EML5: variants seen among roughly 807,000 people sequenced by gnomAD.
The protein encoded by EML5 is echinoderm microtubule-associated protein-like 5.
In EML5, 120 loss-of-function variants were observed where a neutral mutation model predicts 250.0. The ratio of observed to expected loss-of-function variants is 0.48; its 90% CI spans 0.41 to 0.56. EML5 has a LOEUF of 0.56. Among genes scored for constraint, EML5 ranks in the 20% least tolerant of loss-of-function variants. The pLI is 0.00. For missense variants in EML5, 2,006 were observed against 2,437.6 expected (o/e 0.82, Z 3.73); for synonymous variants, 771 against 806.5 (o/e 0.96, Z 0.75).
At chr14:88,733,557 T>G (rs2093793286) in intron 7 of EML5, among the ~76,000 whole-genome samples, 1 of 152,220 alleles carries the variant, frequency 6.6e-6, no homozygotes, top group Non-Finnish European at 1.5e-5. Flanking sequence ...TAGGTGGCAC[T>G]TGGTAATAGC....
intron 8 of EML5, among the ~76,000 whole-genome samples, chr14:88,723,217 A>T (rs888607888): frequency 1.3e-5 from 2 of 152,190 alleles, no homozygotes; most frequent in Non-Finnish European, 2.9e-5. Context: ...GTTTGAGACA[A>T]GCCTGGGCAA....
intron 24 of EML5, among the ~76,000 whole-genome samples, chr14:88,662,349 T>C (rs1490364561): frequency 7.1e-6 from 1 of 141,680 alleles, no homozygotes; most frequent in Non-Finnish European, 1.5e-5. Flanking sequence ...GTTTTTTTTT[T>C]TTTTTTTTTT....
At chr14:88,626,405 T>C (rs2089951354) in intron 35 of EML5, 1 of 163,866 alleles carries the variant, frequency 6.1e-6, no homozygotes, top group East Asian at 1.7e-4. Context: ...GAGGATCACA[T>C]AGCTTAGGAG....
chr14:88,760,201 T>C (rs2094218639), intron 1 of EML5, among the ~76,000 whole-genome samples: 1 of 152,226 alleles, frequency 6.6e-6, no homozygotes, highest in African/African-American at 2.4e-5. Flanking sequence ...CATTGACTTT[T>C]GTTTTATGGA....
intron 17 of EML5, among the ~76,000 whole-genome samples, chr14:88,693,937 A>ATTT (rs546736691): frequency 2.2e-5 from 3 of 137,260 alleles, no homozygotes; most frequent in African/African-American, 2.7e-5. Context: ...TGCCCAGCTA[A>ATTT]TTTTTTTTTT....
chr14:88,665,979 C>T (rs937728371), intron 21 of EML5, among the ~76,000 whole-genome samples: 3 of 151,550 alleles, frequency 2.0e-5, no homozygotes, highest in Non-Finnish European at 4.4e-5. Context: ...AAAAAGGAGT[C>T]GAGATACAGA....
At chr14:88,746,915 G>A (rs1027969816) in intron 2 of EML5, among the ~76,000 whole-genome samples, 1 of 152,170 alleles carries the variant, frequency 6.6e-6, no homozygotes, top group African/African-American at 2.4e-5. Context: ...TCACATGGTT[G>A]CTGGCCTAAA....
chr14:88,616,649 TATATG>T (rs908439577), intron 42 of EML5, 72 bp downstream of exon 42: 29 of 1,344,822 alleles, frequency 2.2e-5, no homozygotes, highest in Non-Finnish European at 2.8e-5. Context: ...ACATTTTAAA[TATATG>T]GGGAAAAGTG....
intron 20 of EML5, among the ~76,000 whole-genome samples, chr14:88,684,400 G>C (rs896315588): frequency 1.1e-4 from 15 of 138,124 alleles, no homozygotes; most frequent in Non-Finnish European, 2.0e-4. Context: ...TCGATCTCCT[G>C]ACCTCGTGAT....
At chr14:88,713,986 T>C (rs1204456368) in intron 9 of EML5, among the ~76,000 whole-genome samples, 1 of 151,598 alleles carries the variant, frequency 6.6e-6, no homozygotes, top group East Asian at 2.0e-4. Flanking sequence ...CACAGGTGCA[T>C]ACCACCATGC....
At chr14:88,690,399 A>C (rs2141271017) in intron 17 of EML5, among the ~76,000 whole-genome samples, 1 of 152,354 alleles carries the variant, frequency 6.6e-6, no homozygotes, top group Non-Finnish European at 1.5e-5. Flanking sequence ...GCAAATGGTA[A>C]ATGTGGCAGA....
At chr14:88,692,064 G>T (rs2141289425) in intron 17 of EML5, among the ~76,000 whole-genome samples, 1 of 152,216 alleles carries the variant, frequency 6.6e-6, no homozygotes, top group Non-Finnish European at 1.5e-5. Flanking sequence ...ATAAAATGTG[G>T]ATTGAAAATA....
intron 33 of EML5, among the ~76,000 whole-genome samples, chr14:88,633,991 G>A (rs561379503): frequency 9.2e-5 from 14 of 152,110 alleles, no homozygotes; most frequent in Admixed American, 1.3e-4. Context: ...AAAAAAATCC[G>A]CAAGTTTTTT....
chr14:88,699,655 CAGT>C (rs1475470799), intron 14 of EML5, among the ~76,000 whole-genome samples: 1 of 151,782 alleles, frequency 6.6e-6, no homozygotes, highest in Non-Finnish European at 1.5e-5. Context: ...CATTGATTGT[CAGT>C]AGAGATATGG....
chr14:88,644,569 C>CCTCTTTT, intron 29 of EML5, 58 bp from the exon 30 acceptor site: 2 of 1,465,166 alleles, frequency 1.4e-6, no homozygotes, highest in Non-Finnish European at 1.9e-6. Flanking sequence ...CTTCACTGAG[C>CCTCTTTT]CTCTCACACC....
chr14:88,690,700 G>A (rs190828610), intron 17 of EML5, among the ~76,000 whole-genome samples: 47 of 152,290 alleles, frequency 3.1e-4, no homozygotes, highest in Non-Finnish European at 5.4e-4. Context: ...TATTTAAGAT[G>A]GCGAAATCAC....
intron 42 of EML5, 139 bp downstream of exon 42, chr14:88,616,587 C>T (rs2087655574): frequency 1.2e-6 from 1 of 855,490 alleles, no homozygotes; most frequent in African/African-American, 1.7e-5. Flanking sequence ...GCTTTTATTT[C>T]AAAGTAAATA....
At chr14:88,764,802 T>C (rs978260580) in intron 1 of EML5, among the ~76,000 whole-genome samples, 1 of 152,248 alleles carries the variant, frequency 6.6e-6, no homozygotes, top group Non-Finnish European at 1.5e-5. Context: ...ATTTTCATAA[T>C]ATATTCTACT....
At chr14:88,748,137 A>G (rs895344381) in intron 2 of EML5, among the ~76,000 whole-genome samples, 1 of 152,206 alleles carries the variant, frequency 6.6e-6, no homozygotes, top group African/African-American at 2.4e-5. Context: ...AGAGAGGACA[A>G]GATGCCTAGA....
Sources: allele counts gnomAD v4.1 joint callset (sites outside exome capture counted in the v4.1 genomes callset), GRCh38; gene constraint gnomAD v4.1.1; transcripts MANE v1.5; gene names NCBI Gene and HGNC (gene_info 2026-07-23, HGNC 2026-07-21).